NELL1: variants seen among roughly 807,000 people sequenced by gnomAD.
NELL1 encodes the protein neural EGFL like 1.
In NELL1, 76 loss-of-function variants were observed where a neutral mutation model predicts 107.4. The observed-to-expected ratio is 0.71, with a 90% CI of 0.59 to 0.86. The LOEUF is 0.86. Among genes scored for constraint, NELL1 ranks in the 40% least tolerant of loss-of-function variants. The probability of loss-of-function intolerance (pLI) is 0.00; values close to 1 mark genes in which losing one functional copy is unlikely to be tolerated. For synonymous variants in NELL1, 353 were observed against 341.2 expected (o/e 1.03, Z -0.38); for missense variants, 1,024 against 1,005.5 (o/e 1.02, Z -0.25).
intron 17 of NELL1, among the ~76,000 whole-genome samples, chr11:21,569,944 A>G (rs77409042): frequency 0.12 from 18,016 of 151,808 alleles, 3,472 homozygotes; most frequent in African/African-American, 0.41. Flanking sequence ...GATGACAGAC[A>G]GGTCTTACCT....
rs1850674251 is a variant in NELL1 at position 20,934,105 on chromosome 11, A to T, written c.998-3681A>T. 2.0e-5 allele frequency among the ~76,000 whole-genome samples: 3 copies of T among 152,146 alleles called. No homozygotes were observed. In the South Asian group the frequency reaches 6.2e-4, roughly 32 times the overall value. On this transcript the variant is annotated intron_variant, in intron 9 of 19. Coordinates refer to ENST00000357134, the MANE Select transcript of NELL1 (RefSeq NM_006157.5). ...ACCTTATGCTTGAATTTCCTCAGAC[A>T]TAAAAAATAAGCCTTTTGGCTATAG...
In NELL1 at chr11:21,531,018, A is replaced by G. The variant is rs192712087; in HGVS notation, c.1646-3356A>G. Among the ~76,000 whole-genome samples, 476 of 152,260 alleles carry G rather than the reference A, an allele frequency of 3.1e-3. 1 individual carries two copies. Among genetic ancestry groups the G allele is most frequent in the Non-Finnish European group, 5.4e-3 (364 of 68,006 alleles). Reference sequence around the variant, plus strand: ...TTGTCTGTTTTCTTGGAAAATTTGCATTTGAGTGATAGACACTAAAAGGAA... The same window carrying G: ...TTGTCTGTTTTCTTGGAAAATTTGCGTTTGAGTGATAGACACTAAAAGGAA... On this transcript the variant is annotated intron_variant, in intron 15 of 19. Transcript: ENST00000357134.
At chr11:21,198,889 T>A (rs1857208093) in intron 13 of NELL1, among the ~76,000 whole-genome samples, 1 of 152,192 alleles carries the variant, frequency 6.6e-6, no homozygotes. Context: ...TTTGAATTAT[T>A]ATGGCACCAT....
intron 12 of NELL1, among the ~76,000 whole-genome samples, chr11:20,976,367 A>G (rs2134238068): frequency 6.6e-6 from 1 of 152,202 alleles, no homozygotes. Context: ...CTACTGAGTG[A>G]CAAGCAGACC....
intron 12 of NELL1, among the ~76,000 whole-genome samples, chr11:21,011,994 G>T (rs953418566): frequency 3.3e-5 from 5 of 151,928 alleles, no homozygotes; most frequent in Non-Finnish European, 7.4e-5. Context: ...GCCCCTCTAG[G>T]GTGCCAACCA....
In NELL1 at chr11:20,803,015, T is replaced by C. The variant is rs551653668; in HGVS notation, c.335+19185T>C. Among the ~76,000 whole-genome samples, 10 of 152,334 alleles carry C rather than the reference T, an allele frequency of 6.6e-5. No homozygotes were observed. In the East Asian group the frequency reaches 1.7e-3, roughly 26 times the overall value. On this transcript the variant is annotated intron_variant, in intron 3 of 19. Transcript: ENST00000357134. Reference sequence around the variant, plus strand: ...TTGCAACAATGTTCATCAGTGATATTGGCCTGTAATTTTCTTTATTTTTTT... The same window carrying C: ...TTGCAACAATGTTCATCAGTGATATCGGCCTGTAATTTTCTTTATTTTTTT...
Position 20,730,118 on chromosome 11 carries a change from C to T in NELL1, c.184+52058C>T, listed in dbSNP as rs151212282. On this transcript the variant is annotated intron_variant, in intron 2 of 19. Transcript: ENST00000357134. ...CTAATGGCTCACTAACTGCAAGGTA[C>T]CATGTAGGAACTGTGAATTACAGGC... is the stretch of plus-strand genomic sequence containing the variant. Among the ~76,000 whole-genome samples the T allele has an allele frequency of 7.9e-3, 1,193 of 151,966 alleles. 13 individuals are homozygous for T. The highest frequency in any genetic ancestry group is 0.028 in the African/African-American group (1,140 of 41,268).
At chr11:21,226,733 C>T (rs1590750759) in intron 13 of NELL1, among the ~76,000 whole-genome samples, 1 of 152,122 alleles carries the variant, frequency 6.6e-6, no homozygotes, top group East Asian at 1.9e-4. Flanking sequence ...ATATCATTGC[C>T]TCCAAAGAGG....
At chr11:20,755,005 A>T (rs548972845) in intron 2 of NELL1, among the ~76,000 whole-genome samples, 1 of 152,342 alleles carries the variant, frequency 6.6e-6, no homozygotes, top group Admixed American at 6.5e-5. Context: ...ATTTCGCATT[A>T]TACAGAGAGT....
intron 14 of NELL1, among the ~76,000 whole-genome samples, chr11:21,265,038 G>C (rs1848609849): frequency 6.6e-6 from 1 of 151,860 alleles, no homozygotes; most frequent in South Asian, 2.1e-4. Flanking sequence ...TGTTCATGTG[G>C]CTGTAATGTT....
chr11:21,113,857 G>A, intron 13 of NELL1, 143 bp downstream of exon 13: 2 of 813,254 alleles, frequency 2.5e-6, no homozygotes, highest in Non-Finnish European at 3.7e-6. Flanking sequence ...CACCTTTTGA[G>A]AAAAAAGCAA....
At chr11:21,177,519 C>T (rs1363271790) in intron 13 of NELL1, among the ~76,000 whole-genome samples, 2 of 151,772 alleles carry the variant, frequency 1.3e-5, no homozygotes, top group African/African-American at 2.4e-5. Context: ...TGTTGATGGG[C>T]ACCCTGGTTG....
Position 21,427,780 on chromosome 11 carries a change from C to A in NELL1, c.1645+56832C>A, listed in dbSNP as rs140289798. Among the ~76,000 whole-genome samples, 12 of 152,242 alleles carry A rather than the reference C, an allele frequency of 7.9e-5. No homozygotes were observed. The East Asian group carries it at 2.3e-3, about 29-fold the overall frequency. On this transcript the variant is annotated intron_variant, in intron 15 of 19. Coordinates refer to ENST00000357134, the MANE Select transcript of NELL1 (RefSeq NM_006157.5). ...GGCATAATTTTATAGGTAAAAGAAA[C>A]CCAAGAAGTAAAATAGGTCAGTTTC...
At chr11:20,941,523 C>T (rs1356633720) in intron 10 of NELL1, among the ~76,000 whole-genome samples, 1 of 151,464 alleles carries the variant, frequency 6.6e-6, no homozygotes, top group Non-Finnish European at 1.5e-5. Context: ...ATTACTTCCT[C>T]CTACATGATA....
chr11:20,774,112 TCCTTTC>T (rs1856698706), intron 2 of NELL1, among the ~76,000 whole-genome samples: 1 of 2,478 alleles, frequency 4.0e-4, no homozygotes, highest in Non-Finnish European at 8.6e-4. Context: ...CTCCCTCCCT[TCCTTTC>T]TCCCTCCCTC....
At chr11:21,553,910 A>G (rs758617208) in intron 16 of NELL1, among the ~76,000 whole-genome samples, 56 of 151,996 alleles carry the variant, frequency 3.7e-4, no homozygotes, top group Non-Finnish European at 5.4e-4. Context: ...ACATTAAACA[A>G]TATAATGGCT....
intron 3 of NELL1, among the ~76,000 whole-genome samples, chr11:20,845,778 T>C (rs7129989): frequency 0.34 from 51,088 of 152,054 alleles, 9,945 homozygotes; most frequent in African/African-American, 0.53. Context: ...AGGCCATTTT[T>C]CACCCTTTTT....
chr11:21,232,154 A>AAAT (rs1554985104), intron 14 of NELL1, among the ~76,000 whole-genome samples: 10 of 62,980 alleles, frequency 1.6e-4, no homozygotes, highest in Admixed American at 4.9e-4. Flanking sequence ...AAATAAAAAA[A>AAAT]AAAAAATATA....
At chr11:20,895,165 G>C (rs970841268) in intron 5 of NELL1, among the ~76,000 whole-genome samples, 3 of 139,454 alleles carry the variant, frequency 2.2e-5, no homozygotes, top group African/African-American at 8.5e-5. Flanking sequence ...CCAGCTACTT[G>C]GGAGGCTGAG....
Sources: allele counts gnomAD v4.1 joint callset (sites outside exome capture counted in the v4.1 genomes callset), GRCh38; gene constraint gnomAD v4.1.1; transcripts MANE v1.5; gene names NCBI Gene and HGNC (gene_info 2026-07-23, HGNC 2026-07-21).